Variants in SLC19A1 observed in about 807,000 individuals in gnomAD.
SLC19A1 encodes the protein reduced folate transporter.
In SLC19A1, 37 loss-of-function variants were observed where a neutral mutation model predicts 35.3. The observed-to-expected ratio is 1.05, with a 90% CI of 0.81 to 1.38. The LOEUF is 1.38. Ranked by LOEUF, SLC19A1 falls within the 40% of genes most tolerant of loss-of-function variation. SLC19A1 has a pLI of 0.00. For missense variants in SLC19A1, 831 were observed against 826.9 expected, an observed-to-expected ratio of 1.00 and a Z score of -0.06; for synonymous variants, 460 against 398.5, an observed-to-expected ratio of 1.15 and a Z score of -1.84.
At chr21:45,536,800 G>A (rs963096459) in intron 2 of SLC19A1, among the ~76,000 whole-genome samples, 3 of 152,162 alleles carry the variant, frequency 2.0e-5, no homozygotes, top group African/African-American at 4.8e-5. Flanking sequence ...GGGCAGGTGA[G>A]CAGGCCCAGG....
At chr21:45,552,741 T>C (rs936522094) in intron 1 of SLC19A1, among the ~76,000 whole-genome samples, 1 of 152,038 alleles carries the variant, frequency 6.6e-6, no homozygotes. Context: ...CCCAGACCCC[T>C]AATGCGGAGC....
At position 45,517,586 on chromosome 21, in the gene SLC19A1, C is replaced by T. The variant is rs949696978; in HGVS notation, c.1294-1446G>A. ...GAGCCTAGTCACCCCCGAAGCCTCA[C>T]GGAGTCAGCAGAGACCATATGGGGA... On this transcript the variant is annotated intron_variant, in intron 5 of 5. Coordinates refer to ENST00000311124, the MANE Select transcript of SLC19A1 (RefSeq NM_194255.4). The surrounding 1 kb of genome is among the most constrained non-coding windows in gnomAD (Gnocchi z 4.4). 3.9e-5 allele frequency among the ~76,000 whole-genome samples: 6 copies of T among 152,012 alleles called. No homozygotes were observed. The highest frequency in any genetic ancestry group is 7.3e-5 in the African/African-American group (3 of 41,360).
intron 1 of SLC19A1, among the ~76,000 whole-genome samples, chr21:45,555,131 C>CGCGACGCAGGGG (rs1555888660): frequency 5.1e-5 from 6 of 118,156 alleles, no homozygotes; most frequent in Non-Finnish European, 8.9e-5. Context: ...CCAGCAGCCT[C>CGCGACGCAGGGG]GCGACGCAGG....
intron 5 of SLC19A1, 81 bp from the exon 6 acceptor site, chr21:45,516,221 G>A: frequency 9.0e-7 from 1 of 1,106,884 alleles, no homozygotes; most frequent in South Asian, 1.5e-5. Flanking sequence ...CCTGCTCCCA[G>A]GCTCACCCTC....
chr21:45,506,140 T>C lies in SLC19A1; in HGVS notation c.498-7528A>G, dbSNP rs2236483. ...TTAGTAAAATACTTTTGTGAGCAGTTTTGGGTTTAAAGAAAAGTGAGCTCA... is the reference window on the plus strand; with the variant it reads ...TTAGTAAAATACTTTTGTGAGCAGTCTTGGGTTTAAAGAAAAGTGAGCTCA... On this transcript the variant is annotated intron_variant, in intron 3 of 4. Transcript: ENST00000417954. 395,096 of 1,002,696 alleles carry C rather than the reference T, an allele frequency of 0.39. 80,375 individuals carry two copies. Among genetic ancestry groups the C allele is most frequent in the East Asian group, 0.59 (22,171 of 37,742 alleles). 62.1% of individuals were successfully genotyped at this position (1,002,696 alleles called of 1,614,324 possible).
At chr21:45,550,201 C>T (rs958883229) in intron 1 of SLC19A1, among the ~76,000 whole-genome samples, 1 of 152,138 alleles carries the variant, frequency 6.6e-6, no homozygotes, top group African/African-American at 2.4e-5. Context: ...ACCCCATGCA[C>T]CGCCCTGGTC....
Position 45,537,796 on chromosome 21 carries a change from G to A in SLC19A1, c.164C>T (p.Pro55Leu), listed in dbSNP as rs2078175650. 1.3e-6 allele frequency: 2 copies of A among 1,546,740 alleles called. No homozygotes were observed. The highest frequency in any genetic ancestry group is 1.7e-6 in the Non-Finnish European group (2 of 1,143,254). Residue 55 changes from proline to leucine, a missense_variant, in exon 2 of 6, where the codon CCC (proline) becomes CTC (leucine). Pro to Leu is a moderately conservative substitution (Grantham distance 98). Coordinates refer to ENST00000311124, the MANE Select transcript of SLC19A1 (RefSeq NM_194255.4). ...ESFITPYLLG[P>L]DKNFTREQVT... ...CTGCTCCCGCGTGAAGTTCTTGTCGGGCCCCAGGAGGTAGGGGGTGATGAA... is the reference window on the plus strand; with the variant it reads ...CTGCTCCCGCGTGAAGTTCTTGTCGAGCCCCAGGAGGTAGGGGGTGATGAA...
intron 1 of SLC19A1, among the ~76,000 whole-genome samples, chr21:45,552,021 A>C (rs2078470990): frequency 6.6e-6 from 1 of 152,142 alleles, no homozygotes; most frequent in African/African-American, 2.4e-5. Context: ...TGGCTGTTTC[A>C]GGTGCGTTCC....
At chr21:45,527,717 T>C (rs11702591) in intron 4 of SLC19A1, among the ~76,000 whole-genome samples, 4,540 of 23,036 alleles carry the variant, frequency 0.2, 256 homozygotes, top group Middle Eastern at 0.32. Flanking sequence ...TGAGTGGCAG[T>C]CAGTTACTGC....
In SLC19A1 at chr21:45,505,915, C is replaced by T. The variant is rs542663933; in HGVS notation, c.498-7303G>A. 24 of 1,613,132 alleles carry T rather than the reference C, an allele frequency of 1.5e-5. No individual in the cohort carries two copies. Among genetic ancestry groups the T allele is most frequent in the African/African-American group, 5.3e-5 (4 of 75,040 alleles). ...CCGAGGGCTGGCTCATCTTCGTGGCCGAGCAGGAGGAGCTCTACGTCCGCG... is the reference window on the plus strand; with the variant it reads ...CCGAGGGCTGGCTCATCTTCGTGGCTGAGCAGGAGGAGCTCTACGTCCGCG... On this transcript the variant is annotated intron_variant, in intron 3 of 4. Coordinates refer to the SLC19A1 transcript ENST00000417954.
intron 1 of SLC19A1, among the ~76,000 whole-genome samples, chr21:45,549,651 A>G (rs1297185405): frequency 1.3e-5 from 1 of 79,002 alleles, no homozygotes; most frequent in African/African-American, 5.3e-5. Flanking sequence ...GGGGACAGGT[A>G]GTGGGTGGTG....
chr21:45,546,444 T>C (rs2078416526), upstream of SLC19A1, among the ~76,000 whole-genome samples: 1 of 152,238 alleles, frequency 6.6e-6, no homozygotes, highest in Admixed American at 6.5e-5. Flanking sequence ...AGTTGAATTC[T>C]GAGCCCCACT....
intron 1 of SLC19A1, among the ~76,000 whole-genome samples, chr21:45,552,671 C>T (rs964345049): frequency 1.3e-5 from 2 of 150,916 alleles, no homozygotes; most frequent in Non-Finnish European, 3.0e-5. Context: ...GGGCTGGTCT[C>T]AGCGAAGTGG....
rs1391146380 is a variant in SLC19A1, at chr21:45,507,330, G to A, written c.498-8718C>T. 8.9e-4 allele frequency: 541 copies of A among 606,570 alleles called. 2 individuals are homozygous for A. Among genetic ancestry groups the A allele is most frequent in the Non-Finnish European group, 1.5e-3 (503 of 336,364 alleles). 37.6% of individuals were successfully genotyped at this position (606,570 alleles called of 1,614,324 possible). A position where few individuals can be genotyped will look rare whatever the true frequency, so the allele number is the denominator to read the frequency against. On this transcript the variant is annotated intron_variant, in intron 3 of 4. Coordinates refer to the SLC19A1 transcript ENST00000417954. ...AGGGCACCCTCCTGTGGGCTGGCAG[G>A]GCCGGGTGCTGGGCAGGGAGGGCAC...
chr21:45,512,473 G>A (rs1022464119), downstream of SLC19A1: 39 of 1,429,144 alleles, frequency 2.7e-5, no homozygotes, highest in South Asian at 6.1e-5. Flanking sequence ...GGGAGCGGCC[G>A]GCCAGCCCCT....
chr21:45,551,108 A>G (rs1302571236), intron 1 of SLC19A1, among the ~76,000 whole-genome samples: 2 of 151,362 alleles, frequency 1.3e-5, no homozygotes, highest in Admixed American at 6.6e-5. Flanking sequence ...TTTTCTTTCA[A>G]GGAACTACCT....
intron 2 of SLC19A1, 82 bp from the exon 3 acceptor site, chr21:45,532,230 T>C (rs1008506862): frequency 1.7e-6 from 2 of 1,189,372 alleles, no homozygotes; most frequent in African/African-American, 3.0e-5. Context: ...AGGTGATGGC[T>C]GCTGACGGCT....
At chr21:45,507,677 G>A (rs375859726), downstream of SLC19A1, 29 of 1,332,790 alleles carry the variant, frequency 2.2e-5, no homozygotes, top group Admixed American at 7.5e-5. Flanking sequence ...GGAACAACAC[G>A]TGGTCCTTTG....
chr21:45,504,268 G>A, intron 3 of SLC19A1: 1 of 888,532 alleles, frequency 1.1e-6, no homozygotes, highest in East Asian at 2.6e-5. Flanking sequence ...GGGAGGTGGG[G>A]AGTCGAGCCC....
Sources: allele counts gnomAD v4.1 joint callset (sites outside exome capture counted in the v4.1 genomes callset), GRCh38; gene constraint gnomAD v4.1.1; non-coding constraint Gnocchi (gnomAD v3.1); transcripts MANE v1.5; gene names NCBI Gene and HGNC (gene_info 2026-07-23, HGNC 2026-07-21).